SPATA24: variants seen among roughly 807,000 people sequenced by gnomAD.
The protein encoded by SPATA24 is spermatogenesis associated 24.
A neutral mutation model predicts 28.9 loss-of-function variants in SPATA24; 21 were observed. That is an observed-to-expected ratio of 0.73 (90% CI 0.52 to 1.05). SPATA24 has a LOEUF of 1.05. Among genes scored for constraint, SPATA24 ranks in the 50% least tolerant of loss-of-function variants. The probability of loss-of-function intolerance (pLI) is 0.00; values close to 1 mark genes in which losing one functional copy is unlikely to be tolerated. For missense variants in SPATA24, 215 were observed against 242.9 expected, an observed-to-expected ratio of 0.88 and a Z score of 0.76; for synonymous variants, 76 against 89.9, an observed-to-expected ratio of 0.85 and a Z score of 0.88.
intron 4 of SPATA24, among the ~76,000 whole-genome samples, chr5:139,399,955 G>A (rs1180114638): frequency 6.6e-6 from 1 of 152,198 alleles, no homozygotes; most frequent in African/African-American, 2.4e-5. Flanking sequence ...TCTTTTTTGG[G>A]AAGTAAGGGG....
chr5:139,392,616 A>T (rs1758617501), downstream of SPATA24: 7 of 1,376,010 alleles, frequency 5.1e-6, no homozygotes, highest in Non-Finnish European at 5.6e-6. This position sits in a 1 kb window ranked among gnomAD's most constrained non-coding sequence, Gnocchi z 5.8. Flanking sequence ...CGGGGGCCGT[A>T]GGTGGTGTCT....
chr5:139,402,816 T>C lies in SPATA24; in HGVS notation c.118-123A>G, dbSNP rs557252059. On this transcript the variant is annotated intron_variant, in intron 1 of 5. Coordinates refer to ENST00000450845, the MANE Select transcript of SPATA24 (RefSeq NM_194296.2). ...GGTACCTAGGATGAGACTGAGGCCT[T>C]GGGAAGGGAGAATTCAGTTCCACAG... The C allele has an allele frequency of 2.1e-4, 153 of 719,848 alleles. 3 individuals carry two copies. Among genetic ancestry groups the C allele is most frequent in the South Asian group, 1.8e-3 (116 of 62,768 alleles). 44.6% of individuals were successfully genotyped at this position (719,848 alleles called of 1,614,324 possible). A position where few individuals can be genotyped will look rare whatever the true frequency, so the allele number is the denominator to read the frequency against.
At chr5:139,402,590 C>T (rs374843196) in intron 2 of SPATA24, 38 bp downstream of exon 2, 44 of 1,533,106 alleles carry the variant, frequency 2.9e-5, no homozygotes, top group South Asian at 2.0e-4. Context: ...TCCTGGGAAA[C>T]GGGGGAAGAT....
intron 5 of SPATA24, 43 bp from the exon 6 acceptor site, chr5:139,396,972 G>A (rs769722592): frequency 5.0e-5 from 78 of 1,551,442 alleles, no homozygotes; most frequent in Non-Finnish European, 6.5e-5. Flanking sequence ...ACAGCCAAGG[G>A]TAGGTAGGGG....
downstream of SPATA24, chr5:139,394,835 C>G (rs1042128435): frequency 1.3e-6 from 2 of 1,531,228 alleles, no homozygotes; most frequent in Admixed American, 2.0e-5. Context: ...GAGCCGGGCC[C>G]GTGCCGCTGG....
At chr5:139,402,118 C>T (rs1369429049) in intron 2 of SPATA24, 73 bp from the exon 3 acceptor site, 2 of 1,495,008 alleles carry the variant, frequency 1.3e-6, no homozygotes, top group Non-Finnish European at 1.8e-6. Flanking sequence ...AACCAGCCCC[C>T]CTTCTCAGAG....
downstream of SPATA24, chr5:139,396,721 G>A (rs1222786160): frequency 1.3e-6 from 2 of 1,550,050 alleles, no homozygotes; most frequent in South Asian, 1.2e-5. Flanking sequence ...AGTAGCAGGG[G>A]CTAGAGGCTG....
chr5:139,403,211 G>A (rs1024893479), intron 1 of SPATA24, among the ~76,000 whole-genome samples: 3 of 152,128 alleles, frequency 2.0e-5, no homozygotes, highest in African/African-American at 4.8e-5. Flanking sequence ...AGAGCATTAG[G>A]GTAGCAAATA....
chr5:139,396,545 C>T (rs757490790), downstream of SPATA24: 24 of 1,304,888 alleles, frequency 1.8e-5, no homozygotes, highest in Non-Finnish European at 2.2e-5. Flanking sequence ...TACCAGGACA[C>T]TGGGAGTGGG....
intron 1 of SPATA24, 91 bp from the exon 2 acceptor site, chr5:139,402,784 T>C (rs1758854167): frequency 1.1e-6 from 1 of 931,412 alleles, no homozygotes; most frequent in Non-Finnish European, 1.7e-6. Context: ...AACAGGATGA[T>C]GCTCGTGGTA....
intron 1 of SPATA24, 145 bp from the exon 2 acceptor site, chr5:139,402,838 A>G: frequency 3.0e-6 from 2 of 663,114 alleles, no homozygotes; most frequent in Non-Finnish European, 5.3e-6. Context: ...ATTCAGTTCC[A>G]CAGATAAACT....
chr5:139,395,111 C>T (rs1006712818), downstream of SPATA24: 9 of 1,384,906 alleles, frequency 6.5e-6, no homozygotes, highest in Admixed American at 2.6e-4. Context: ...CACTATCTCC[C>T]TCGCATTCGC....
At chr5:139,402,244 C>T (rs1301641479) in intron 2 of SPATA24, among the ~76,000 whole-genome samples, 199 bp from the exon 3 acceptor site, 1 of 151,022 alleles carries the variant, frequency 6.6e-6, no homozygotes, top group East Asian at 1.9e-4. Context: ...GACAGAGTCT[C>T]ACTCTGTTGC....
In SPATA24 at chr5:139,397,148, G is replaced by T. The variant is rs975516588; in HGVS notation, c.386-5C>A. The stretch of plus-strand genomic sequence containing the variant: ...TTATAATGTGAGACTCAATCTCTGT[G>T]GGGGAGAGAGGCAGGGAGGAGGGGT... On this transcript the variant is annotated splice_region_variant and splice_polypyrimidine_tract_variant and intron_variant, in intron 4 of 5. Coordinates refer to ENST00000450845, the MANE Select transcript of SPATA24 (RefSeq NM_194296.2). 5 of 1,549,172 alleles carry T rather than the reference G, an allele frequency of 3.2e-6. No homozygotes were observed. The highest frequency in any genetic ancestry group is 2.7e-5 in the African/African-American group (2 of 72,976).
chr5:139,394,423 G>C, downstream of SPATA24: 1 of 1,395,976 alleles, frequency 7.2e-7, no homozygotes, highest in Non-Finnish European at 9.2e-7. Flanking sequence ...GGCCGCCCTT[G>C]GGGGACTCTG....
chr5:139,392,850 C>A (rs1455285021), downstream of SPATA24: 5 of 1,540,192 alleles, frequency 3.2e-6, no homozygotes, highest in African/African-American at 1.4e-5. This position sits in a 1 kb window ranked among gnomAD's most constrained non-coding sequence, Gnocchi z 5.8. Flanking sequence ...TTACCTCGGG[C>A]CGGCGACCCA....
intron 4 of SPATA24, among the ~76,000 whole-genome samples, chr5:139,397,481 C>T (rs1758735539): frequency 6.6e-6 from 1 of 152,118 alleles, no homozygotes; most frequent in Admixed American, 6.5e-5. Flanking sequence ...CAGATGTTGC[C>T]TCCTTGGAGA....
downstream of SPATA24, chr5:139,392,710 A>G: frequency 7.2e-7 from 1 of 1,385,406 alleles, no homozygotes; most frequent in Non-Finnish European, 9.3e-7. The surrounding 1 kb of genome is among the most constrained non-coding windows in gnomAD (Gnocchi z 5.8). Flanking sequence ...TGCTGGCCCT[A>G]CGGGGGAGCG....
chr5:139,396,190 G>A, downstream of SPATA24: 2 of 985,344 alleles, frequency 2.0e-6, no homozygotes, highest in South Asian at 4.7e-5. Context: ...CCTCTGCCTG[G>A]GTGTGTCCCC....
Sources: allele counts gnomAD v4.1 joint callset (sites outside exome capture counted in the v4.1 genomes callset), GRCh38; gene constraint gnomAD v4.1.1; non-coding constraint Gnocchi (gnomAD v3.1); transcripts MANE v1.5; gene names NCBI Gene and HGNC (gene_info 2026-07-23, HGNC 2026-07-21).